ERCC3: variants seen among roughly 807,000 people sequenced by gnomAD.
ERCC3 encodes general transcription and DNA repair factor IIH helicase/translocase subunit XPB.
Under a neutral mutation model 94.2 loss-of-function variants are expected in ERCC3, and 66 were observed. That is an observed-to-expected ratio of 0.70 (90% confidence interval 0.57 to 0.86). The LOEUF (loss-of-function observed/expected upper bound fraction) is 0.86. Among genes scored for constraint, ERCC3 ranks in the 40% least tolerant of loss-of-function variants. The pLI is 0.00. For missense variants in ERCC3, 829 were observed against 987.1 expected (o/e 0.84, Z 2.15); for synonymous variants, 349 against 369.1 (o/e 0.95, Z 0.63).
intron 12 of ERCC3, among the ~76,000 whole-genome samples, chr2:127,265,630 G>A (rs1241745260): frequency 6.6e-6 from 1 of 152,176 alleles, no homozygotes; most frequent in Non-Finnish European, 1.5e-5. Context: ...TGTTGGTCAG[G>A]CTGGTCTTGA....
chr2:127,286,852 T>G lies in ERCC3; in HGVS notation c.1193A>C (p.Asp398Ala). The change falls in exon 8 of 15, where the codon GAC becomes GCC. Residue 398 changes from aspartate (D) to alanine (A), a missense_variant. By Grantham distance (126) the Asp-to-Ala change is moderately radical (BLOSUM62 -2). Transcript: ENST00000285398. Reference protein sequence around the residue: ...QICRFTSDAKDKPIGCSVAIS... With the variant: ...QICRFTSDAKAKPIGCSVAIS... ...GGCAACGGAGCAGCCGATGGGCTTG[T>G]CCTTGGCATCGGAGGTGAACCGGCA... is the stretch of plus-strand genomic sequence containing the variant. 1 of 1,614,184 alleles carries G rather than the reference T, an allele frequency of 6.2e-7. No homozygotes were observed. The highest frequency in any genetic ancestry group is 8.5e-7 in the Non-Finnish European group (1 of 1,180,024).
At chr2:127,278,479 T>C (rs1573947568) in intron 10 of ERCC3, among the ~76,000 whole-genome samples, 1 of 152,336 alleles carries the variant, frequency 6.6e-6, no homozygotes, top group East Asian at 1.9e-4. Flanking sequence ...TTCCCTTCTA[T>C]AAAATGGGAA....
chr2:127,285,831 A>G (rs764185877), intron 8 of ERCC3, among the ~76,000 whole-genome samples: 8 of 152,148 alleles, frequency 5.3e-5, no homozygotes, highest in Non-Finnish European at 7.4e-5. Context: ...AGCCTGGGCA[A>G]CAAAGCAAGA....
rs564417868 is a variant in ERCC3, at chr2:127,274,124, G to A, written c.1731-1163C>T. Among the ~76,000 whole-genome samples the A allele has an allele frequency of 3.3e-5, 5 of 151,912 alleles. No individual in the cohort carries two copies. The East Asian group carries it at 9.7e-4, about 30-fold the overall frequency. On this transcript the variant is annotated intron_variant, in intron 10 of 14. Coordinates refer to ENST00000285398, the MANE Select transcript of ERCC3 (RefSeq NM_000122.2). This position sits in a 1 kb window ranked among gnomAD's most constrained non-coding sequence, Gnocchi z 4.0. ...AGGCCAGGAGTTCGAGACCAGCCTGGCCAACATGGTGAGACCCCATCTCTA... is the reference window on the plus strand; with the variant it reads ...AGGCCAGGAGTTCGAGACCAGCCTGACCAACATGGTGAGACCCCATCTCTA...
rs1684768717 is a variant in ERCC3 at position 127,277,525 on chromosome 2, A to C, written c.1730+1648T>G. 6.6e-6 allele frequency among the ~76,000 whole-genome samples: 1 copy of C among 152,108 alleles called. No homozygotes were observed. The highest frequency in any genetic ancestry group is 2.4e-5 in the African/African-American group (1 of 41,430). ...GCCAATATGGTGAAACCCTATCTCT[A>C]CCAAAAATACAAAAATTATCCAGGC... On this transcript the variant is annotated intron_variant, in intron 10 of 14. Transcript: ENST00000285398. The surrounding 1 kb of genome is among the most constrained non-coding windows in gnomAD (Gnocchi z 5.1).
At position 127,264,753 on chromosome 2, in the gene ERCC3, A is replaced by G. The variant is rs1202737321; in HGVS notation, c.1946-3407T>C. 2.0e-5 allele frequency among the ~76,000 whole-genome samples: 3 copies of G among 152,104 alleles called. No individual in the cohort carries two copies. Among genetic ancestry groups the G allele is most frequent in the Non-Finnish European group, 4.4e-5 (3 of 68,024 alleles). On this transcript the variant is annotated intron_variant, in intron 12 of 14. Coordinates refer to ENST00000285398, the MANE Select transcript of ERCC3 (RefSeq NM_000122.2). The surrounding 1 kb of genome is among the most constrained non-coding windows in gnomAD (Gnocchi z 4.4). ...GGTATCAGGATGATAGTGGTTTCGT[A>G]GTATGAGTTAGGAAGAAGTCTCTCC...
chr2:127,259,283 C>T lies in ERCC3; in HGVS notation c.2217+13G>A. ...AGCACTGACACCTGGAACCTCCTCA[C>T]CCATTTACTCACCTGGCTGGATCTG... On this transcript the variant is annotated intron_variant, in intron 14 of 14. Coordinates refer to ENST00000285398, the MANE Select transcript of ERCC3 (RefSeq NM_000122.2). This position sits in a 1 kb window ranked among gnomAD's most constrained non-coding sequence, Gnocchi z 4.9. The T allele has an allele frequency of 6.2e-7, 1 of 1,614,166 alleles. No individual in the cohort carries two copies. Among genetic ancestry groups the T allele is most frequent in the Non-Finnish European group, 8.5e-7 (1 of 1,180,020 alleles).
Position 127,259,268 on chromosome 2 carries a change from C to A in ERCC3, c.2217+28G>T. On this transcript the variant is annotated intron_variant, in intron 14 of 14. Coordinates refer to ENST00000285398, the MANE Select transcript of ERCC3 (RefSeq NM_000122.2). The surrounding 1 kb of genome is among the most constrained non-coding windows in gnomAD (Gnocchi z 4.9). ...ACGCTGCCCTGTGAGAGCACTGACA[C>A]CTGGAACCTCCTCACCCATTTACTC... The A allele has an allele frequency of 6.2e-7, 1 of 1,613,994 alleles. No homozygotes were observed.
At chr2:127,287,962 T>TA (rs1685134181) in intron 7 of ERCC3, among the ~76,000 whole-genome samples, 2 of 151,780 alleles carry the variant, frequency 1.3e-5, no homozygotes, top group South Asian at 4.2e-4. Context: ...TAAACGTAAA[T>TA]AAAAAAAATT....
intron 12 of ERCC3, among the ~76,000 whole-genome samples, chr2:127,265,449 C>T (rs932969539): frequency 6.6e-5 from 10 of 152,212 alleles, no homozygotes; most frequent in South Asian, 2.1e-4. Context: ...GACGGAGTCT[C>T]GCTCTGTCAC....
Position 127,258,551 on chromosome 2 carries a change from C to T in ERCC3, c.2217+745G>A, listed in dbSNP as rs1684093108. Among the ~76,000 whole-genome samples the T allele has an allele frequency of 6.6e-6, 1 of 152,142 alleles. No individual in the cohort carries two copies. Among genetic ancestry groups the T allele is most frequent in the South Asian group, 2.1e-4 (1 of 4,830 alleles). Reference sequence around the variant, plus strand: ...TGCCCCCTGGGTCGGGGGAGGAAAGCCTTAGGCTGGAGGGAGGGCAGCCCC... The same window carrying T: ...TGCCCCCTGGGTCGGGGGAGGAAAGTCTTAGGCTGGAGGGAGGGCAGCCCC... On this transcript the variant is annotated intron_variant, in intron 14 of 14. Transcript: ENST00000285398. This position sits in a 1 kb window ranked among gnomAD's most constrained non-coding sequence, Gnocchi z 4.1.
At chr2:127,273,013 T>G in intron 10 of ERCC3, 52 bp from the exon 11 acceptor site, 1 of 1,132,870 alleles carries the variant, frequency 8.8e-7, no homozygotes, top group Non-Finnish European at 1.3e-6. Context: ...TCAGTTATCT[T>G]GAAAACACAT....
intron 7 of ERCC3, among the ~76,000 whole-genome samples, chr2:127,288,393 T>C (rs1444470308): frequency 6.6e-6 from 1 of 152,196 alleles, no homozygotes; most frequent in East Asian, 1.9e-4. Context: ...GTTGTACACA[T>C]CTGCTTACCA....
In ERCC3 at chr2:127,259,331, C is replaced by T. The variant is rs143140054; in HGVS notation, c.2182G>A (p.Val728Met). Residue 728 changes from valine (V) to methionine (M), a missense_variant, in exon 14 of 15, where the codon GTG becomes ATG. Physicochemically the swap from Val to Met is conservative, Grantham distance 21 (BLOSUM62 1). Coordinates refer to ENST00000285398, the MANE Select transcript of ERCC3 (RefSeq NM_000122.2). The surrounding 1 kb of genome is among the most constrained non-coding windows in gnomAD (Gnocchi z 4.9). Reference protein sequence around the residue: ...AATDLDAEEEVVAGEFGSRSS... With the variant: ...AATDLDAEEEMVAGEFGSRSS... ...CTGGAGCCAAATTCCCCAGCCACCA[C>T]CTCCTCCTCGGCATCCAGGTCAGTG... 23 of 1,614,054 alleles carry T rather than the reference C, an allele frequency of 1.4e-5. No individual in the cohort carries two copies. In the African/African-American group the frequency reaches 3.1e-4, roughly 22 times the overall value.
At chr2:127,278,909 C>T (rs1375848498) in intron 10 of ERCC3, among the ~76,000 whole-genome samples, 1 of 152,142 alleles carries the variant, frequency 6.6e-6, no homozygotes, top group Non-Finnish European at 1.5e-5. Context: ...TCCATGGGGC[C>T]CCACCCAGCT....
At chr2:127,273,129 A>G (rs531250841) in intron 10 of ERCC3, among the ~76,000 whole-genome samples, 168 bp from the exon 11 acceptor site, 56 of 152,310 alleles carry the variant, frequency 3.7e-4, no homozygotes, top group Middle Eastern at 3.4e-3. Flanking sequence ...TGCACCTCCC[A>G]GCCTTCCCCA....
At chr2:127,287,918 T>C (rs1227434329) in intron 7 of ERCC3, among the ~76,000 whole-genome samples, 1 of 152,166 alleles carries the variant, frequency 6.6e-6, no homozygotes, top group Non-Finnish European at 1.5e-5. Flanking sequence ...AGATCCTTCC[T>C]TTATTATAAA....
At chr2:127,292,390 T>A in intron 3 of ERCC3, 1 of 618,458 alleles carries the variant, frequency 1.6e-6, no homozygotes, top group Non-Finnish European at 2.9e-6. Context: ...CAGAACACAA[T>A]GCTGGATCCA....
At chr2:127,287,760 C>T (rs1685127754) in intron 7 of ERCC3, among the ~76,000 whole-genome samples, 1 of 152,164 alleles carries the variant, frequency 6.6e-6, no homozygotes, top group Non-Finnish European at 1.5e-5. Flanking sequence ...CGGCAAAAGA[C>T]CACTATTATT....
Sources: allele counts gnomAD v4.1 joint callset (sites outside exome capture counted in the v4.1 genomes callset), GRCh38; gene constraint gnomAD v4.1.1; non-coding constraint Gnocchi (gnomAD v3.1); transcripts MANE v1.5; gene names NCBI Gene and HGNC (gene_info 2026-07-23, HGNC 2026-07-21).